FNTB: variants seen among roughly 807,000 people sequenced by gnomAD.
FNTB encodes protein farnesyltransferase subunit beta.
Under a neutral mutation model 59.4 loss-of-function variants are expected in FNTB, and 27 were observed. The observed-to-expected ratio is 0.45, with a 90% CI of 0.34 to 0.63. The LOEUF (loss-of-function observed/expected upper bound fraction) is 0.63. Among genes scored for constraint, FNTB ranks in the 20% least tolerant of loss-of-function variants. The pLI, the probability that FNTB is intolerant of heterozygous loss-of-function variation, is 0.02. For missense variants in FNTB, 449 were observed against 559.6 expected (o/e 0.80, Z 1.99); for synonymous variants, 230 against 220.7 (o/e 1.04, Z -0.37).
chr14:64,990,577 G>A lies in FNTB; in HGVS notation c.144+3480G>A, dbSNP rs1352341421. Among the ~76,000 whole-genome samples the A allele has an allele frequency of 6.6e-6, 1 of 151,700 alleles. No homozygotes were observed. Among genetic ancestry groups the A allele is most frequent in the African/African-American group, 2.4e-5 (1 of 41,260 alleles). ...TCCAGATACTGCATTTTCTCTTGTG[G>A]TTTCCCTACACCTGCCCACATCTTT... On this transcript the variant is annotated intron_variant, in intron 1 of 11. Transcript: ENST00000246166. This position sits in a 1 kb window ranked among gnomAD's most constrained non-coding sequence, Gnocchi z 5.2.
Position 64,991,676 on chromosome 14 carries a change from G to A in FNTB, c.144+4579G>A, listed in dbSNP as rs983023983. Among the ~76,000 whole-genome samples, 1 of 152,178 alleles carries A rather than the reference G, an allele frequency of 6.6e-6. No homozygotes were observed. Among genetic ancestry groups the A allele is most frequent in the Non-Finnish European group, 1.5e-5 (1 of 68,032 alleles). Reference sequence around the variant, plus strand: ...CTAAATTATAACTGCTTTGCACGAGGATTTTGGGGAGTTGAAAAGCCATCT... The same window carrying A: ...CTAAATTATAACTGCTTTGCACGAGAATTTTGGGGAGTTGAAAAGCCATCT... On this transcript the variant is annotated intron_variant, in intron 1 of 11. Transcript: ENST00000246166. The surrounding 1 kb of genome is among the most constrained non-coding windows in gnomAD (Gnocchi z 4.4).
intron 4 of FNTB, among the ~76,000 whole-genome samples, chr14:65,016,763 C>A (rs1030979295): frequency 3.3e-5 from 5 of 152,086 alleles, no homozygotes; most frequent in African/African-American, 9.7e-5. Context: ...GGCCATTAAC[C>A]CTTGTGGTAC....
intron 9 of FNTB, among the ~76,000 whole-genome samples, chr14:65,046,549 G>A (rs1267398448): frequency 6.6e-6 from 1 of 152,160 alleles, no homozygotes; most frequent in East Asian, 1.9e-4. Context: ...TATGGAAAAG[G>A]GTGCCTATGA....
At position 65,062,174 on chromosome 14, in the gene FNTB, T is replaced by C. The variant is rs11848817; in HGVS notation, c.*862T>C. 34,667 of 152,172 alleles carry C rather than the reference T, an allele frequency of 0.23. 7,200 individuals carry two copies. Among genetic ancestry groups the C allele is most frequent in the African/African-American group, 0.56 (23,103 of 41,286 alleles). 9.4% of individuals were successfully genotyped at this position (152,172 alleles called of 1,614,324 possible). The stretch of plus-strand genomic sequence containing the variant: ...AGGCCCTTCTGGGGGTTTCTATCTT[T>C]CTTCCACCAGACTCCAAGCCCACTC... On this transcript the variant is annotated 3_prime_UTR_variant, in exon 12 of 12. Transcript: ENST00000246166. The surrounding 1 kb of genome is among the most constrained non-coding windows in gnomAD (Gnocchi z 4.3).
In FNTB at chr14:64,986,924, T is replaced by G. The variant is rs201739947; in HGVS notation, c.-30T>G. 3 of 1,613,262 alleles carry G rather than the reference T, an allele frequency of 1.9e-6. No homozygotes were observed. Among genetic ancestry groups the G allele is most frequent in the Non-Finnish European group, 2.5e-6 (3 of 1,179,278 alleles). Reference sequence around the variant, plus strand: ...CGCGTTGTTGCTTAACGAAGCAGAGTCCTACACACTGTCTGCTGCTCTCCT... The same window carrying G: ...CGCGTTGTTGCTTAACGAAGCAGAGGCCTACACACTGTCTGCTGCTCTCCT... On this transcript the variant is annotated 5_prime_UTR_variant, in exon 1 of 12. Coordinates refer to ENST00000246166, the MANE Select transcript of FNTB (RefSeq NM_002028.4).
In FNTB at chr14:64,997,038, T is replaced by A. The variant is rs895983340; in HGVS notation, c.145-7211T>A. ...TTTCATTTCACAGTAAAAAAAAAAA[T>A]AGAAACAGAGTCTTGCTTGATCAGT... On this transcript the variant is annotated intron_variant, in intron 1 of 11. Coordinates refer to ENST00000246166, the MANE Select transcript of FNTB (RefSeq NM_002028.4). This position sits in a 1 kb window ranked among gnomAD's most constrained non-coding sequence, Gnocchi z 4.5. Among the ~76,000 whole-genome samples, 2 of 151,704 alleles carry A rather than the reference T, an allele frequency of 1.3e-5. No homozygotes were observed. Among genetic ancestry groups the A allele is most frequent in the Admixed American group, 1.3e-4 (2 of 15,244 alleles).
intron 2 of FNTB, among the ~76,000 whole-genome samples, chr14:65,005,831 G>A (rs1388374540): frequency 6.6e-6 from 1 of 152,058 alleles, no homozygotes; most frequent in Non-Finnish European, 1.5e-5. Context: ...TTGTAGAGAT[G>A]GGGGTCTCAC....
At chr14:64,993,291 TA>T (rs1332917749) in intron 1 of FNTB, among the ~76,000 whole-genome samples, 3 of 152,076 alleles carry the variant, frequency 2.0e-5, no homozygotes, top group Non-Finnish European at 2.9e-5. Flanking sequence ...ATAAACAAAA[TA>T]AAAAGCTGGC....
intron 11 of FNTB, among the ~76,000 whole-genome samples, chr14:65,060,834 A>G (rs954284463): frequency 4.2e-5 from 6 of 142,502 alleles, no homozygotes; most frequent in Admixed American, 1.5e-4. Context: ...GATCGTGTCA[A>G]TGCACTCCAG....
intron 1 of FNTB, 78 bp downstream of exon 1, chr14:64,987,175 T>C: frequency 1.3e-6 from 2 of 1,545,090 alleles, no homozygotes; most frequent in Admixed American, 1.8e-5. Context: ...GCCGCCCGGG[T>C]GCGGAACTCA....
intron 1 of FNTB, among the ~76,000 whole-genome samples, chr14:65,000,815 CAAAAAAAAAAAA>C (rs59420832): frequency 1.1e-4 from 4 of 36,478 alleles, no homozygotes; most frequent in Admixed American, 2.7e-4. Flanking sequence ...GACTCCGTCT[CAAAAAAAAAAAA>C]AAAAAAAAAA....
In FNTB at chr14:65,007,443, A is replaced by G. The variant is rs2061611823; in HGVS notation, c.209+3130A>G. Among the ~76,000 whole-genome samples the G allele has an allele frequency of 6.6e-6, 1 of 152,228 alleles. No homozygotes were observed. The highest frequency in any genetic ancestry group is 1.5e-5 in the Non-Finnish European group (1 of 68,038). ...AGGACCACAGACCACGCACAGGTCC[A>G]GGGATGCCTGTGATGATGCTGAAGT... On this transcript the variant is annotated intron_variant, in intron 2 of 11. Transcript: ENST00000246166. The surrounding 1 kb of genome is among the most constrained non-coding windows in gnomAD (Gnocchi z 4.9).
Position 65,031,742 on chromosome 14 carries a change from G to A in FNTB, c.606-868G>A, listed in dbSNP as rs569521527. Reference sequence around the variant, plus strand: ...TTGAAACCAGCCTAGCCAACATGGCGAAACCCCATCTCCACTAAAAATAGA... The same window carrying A: ...TTGAAACCAGCCTAGCCAACATGGCAAAACCCCATCTCCACTAAAAATAGA... On this transcript the variant is annotated intron_variant, in intron 6 of 11. Transcript: ENST00000246166. The surrounding 1 kb of genome is among the most constrained non-coding windows in gnomAD (Gnocchi z 4.6). 1.3e-5 allele frequency among the ~76,000 whole-genome samples: 2 copies of A among 152,156 alleles called. No individual in the cohort carries two copies. Among genetic ancestry groups the A allele is most frequent in the African/African-American group, 2.4e-5 (1 of 41,548 alleles).
At chr14:65,053,198 G>A in intron 9 of FNTB, 40 bp from the exon 10 acceptor site, 1 of 1,322,272 alleles carries the variant, frequency 7.6e-7, no homozygotes, top group Non-Finnish European at 9.8e-7. Context: ...ATACTTGGCT[G>A]GATCTGCCGG....
chr14:65,055,732 G>T (rs1160476556), intron 11 of FNTB, among the ~76,000 whole-genome samples: 2 of 152,066 alleles, frequency 1.3e-5, no homozygotes, highest in African/African-American at 4.8e-5. Context: ...GGCCAGGCTG[G>T]TCTCAAACTC....
rs2062084918 is a variant in FNTB, at chr14:65,031,594, G to GC, written c.606-1015dup. ...GCCTCCCAAAGTGCTGGGATTACAG[G>GC]CATGAGCAACTGTGCCCAGCCTAAT... On this transcript the variant is annotated intron_variant, in intron 6 of 11. Transcript: ENST00000246166. The surrounding 1 kb of genome is among the most constrained non-coding windows in gnomAD (Gnocchi z 4.6). Among the ~76,000 whole-genome samples, 1 of 152,058 alleles carries GC rather than the reference G, an allele frequency of 6.6e-6. No individual in the cohort carries two copies. The highest frequency in any genetic ancestry group is 6.5e-5 in the Admixed American group (1 of 15,272).
chr14:65,025,858 A>G (rs1277326731), intron 4 of FNTB, among the ~76,000 whole-genome samples: 1 of 152,140 alleles, frequency 6.6e-6, no homozygotes, highest in Non-Finnish European at 1.5e-5. Context: ...ATTGTTTTCA[A>G]CTTCAGTTTC....
At chr14:64,995,770 CGTATGTAT>C (rs112303968) in intron 1 of FNTB, among the ~76,000 whole-genome samples, 17,347 of 149,948 alleles carry the variant, frequency 0.12, 2,166 homozygotes, top group East Asian at 0.3. Flanking sequence ...TGTATATGTA[CGTATGTAT>C]GTATGTATGT....
rs1313608328 is a variant in FNTB at position 65,014,363 on chromosome 14, C to T, written c.283-1262C>T. ...AGGCAGAATTAGTCAGTCTCTTCCA[C>T]GTGCTCCCTCAAAACTCTGTTTTCG... On this transcript the variant is annotated intron_variant, in intron 3 of 11. Coordinates refer to ENST00000246166, the MANE Select transcript of FNTB (RefSeq NM_002028.4). The surrounding 1 kb of genome is among the most constrained non-coding windows in gnomAD (Gnocchi z 5.1). Among the ~76,000 whole-genome samples, 1 of 152,192 alleles carries T rather than the reference C, an allele frequency of 6.6e-6. No individual in the cohort carries two copies. The highest frequency in any genetic ancestry group is 2.4e-5 in the African/African-American group (1 of 41,444).
Sources: gnomAD v4.1 joint callset for allele counts (sites outside exome capture counted in the v4.1 genomes callset) on GRCh38, gnomAD v4.1.1 for gene constraint, Gnocchi (gnomAD v3.1) non-coding constraint, MANE v1.5 for transcripts, NCBI Gene and HGNC (gene_info 2026-07-23, HGNC 2026-07-21) for gene names.